DNASE2B: variants seen among roughly 807,000 people sequenced by gnomAD.
DNASE2B encodes the protein deoxyribonuclease-2-beta.
In DNASE2B, 43 loss-of-function variants were observed where a neutral mutation model predicts 46.0. The observed-to-expected ratio is 0.94, with a 90% CI of 0.73 to 1.21. The LOEUF is 1.21. DNASE2B is among the 50% of genes most tolerant of loss of function. The probability of loss-of-function intolerance (pLI) is 0.00; values close to 1 mark genes in which losing one functional copy is unlikely to be tolerated. For missense variants in DNASE2B, 395 were observed against 414.4 expected (o/e 0.95, Z 0.41); for synonymous variants, 156 against 152.5 (o/e 1.02, Z -0.17).
At chr1:84,399,575 G>T (rs1435334940) in intron 1 of DNASE2B, among the ~76,000 whole-genome samples, 1 of 152,208 alleles carries the variant, frequency 6.6e-6, no homozygotes, top group Non-Finnish European at 1.5e-5. Flanking sequence ...TAAGTTTTAA[G>T]AACAATTAAG....
intron 3 of DNASE2B, 23 bp from the exon 4 acceptor site, chr1:84,410,815 T>C (rs762423594): frequency 1.3e-5 from 20 of 1,597,478 alleles, no homozygotes; most frequent in Non-Finnish European, 1.7e-5. Context: ...CTGATTTATC[T>C]TTGTTAAATG....
intron 5 of DNASE2B, among the ~76,000 whole-genome samples, chr1:84,412,885 C>T (rs1455319411): frequency 6.6e-6 from 1 of 151,996 alleles, no homozygotes; most frequent in Non-Finnish European, 1.5e-5. Context: ...TGCACCCTCA[C>T]TCATGGCTTC....
At chr1:84,401,674 C>T (rs190204720) in intron 1 of DNASE2B, among the ~76,000 whole-genome samples, 30 of 152,274 alleles carry the variant, frequency 2.0e-4, no homozygotes, top group Admixed American at 8.5e-4. Flanking sequence ...ACTCCACCCA[C>T]CAGTATAACC....
At position 84,412,479 on chromosome 1, in the gene DNASE2B, C is replaced by T. The variant is rs1680617430; in HGVS notation, c.678C>T (p.Leu226=). 6.2e-7 allele frequency: 1 copy of T among 1,614,028 alleles called. No individual in the cohort carries two copies. The change falls in exon 5 of 6, where the codon CTC becomes CTT. Residue 226 remains leucine, a synonymous_variant. Coordinates refer to ENST00000370665, the MANE Select transcript of DNASE2B (RefSeq NM_021233.3). ...CATCAGAGATTCCTGGCAGGCTCCTCACCACACTTCAGTCGGCCCAGGGAC... is the reference window on the plus strand; with the variant it reads ...CATCAGAGATTCCTGGCAGGCTCCTTACCACACTTCAGTCGGCCCAGGGAC... ...ASSSEIPGRL[L]TTLQSAQGQK... is the part of the protein sequence containing the mutation.
Position 84,414,529 on chromosome 1 carries a change from C to G in DNASE2B, c.747C>G (p.Asp249Glu). 1.2e-6 allele frequency: 2 copies of G among 1,602,748 alleles called. No homozygotes were observed. The highest frequency in any genetic ancestry group is 1.7e-4 in the Middle Eastern group (1 of 5,986). ...HFAKSDSFLD[D>E]IFAAWMAQRL... is the part of the protein sequence containing the mutation. ...TATCTTTCTCCTCCTAAACCCTAGA[C>G]ATCTTTGCAGCCTGGATGGCTCAAC... Residue 249 changes from aspartate to glutamate, a missense_variant and splice_region_variant, in exon 6 of 6, where the codon GAC becomes GAG. Physicochemically the swap from Asp to Glu is conservative, Grantham distance 45 (BLOSUM62 2). Transcript: ENST00000370665.
chr1:84,409,500 T>C (rs2101851787), intron 3 of DNASE2B, among the ~76,000 whole-genome samples: 1 of 152,318 alleles, frequency 6.6e-6, no homozygotes, highest in Non-Finnish European at 1.5e-5. Flanking sequence ...CGCAATAAAA[T>C]GTATCCACAG....
intron 4 of DNASE2B, 132 bp from the exon 5 acceptor site, chr1:84,412,217 T>C: frequency 3.8e-6 from 3 of 787,018 alleles, no homozygotes; most frequent in South Asian, 3.4e-5. Context: ...TTGAAGGCTA[T>C]TGGTTTAAAG....
intron 3 of DNASE2B, 28 bp downstream of exon 3, chr1:84,408,546 TC>T (rs1387188068): frequency 3.8e-6 from 6 of 1,592,510 alleles, no homozygotes; most frequent in Non-Finnish European, 5.1e-6. Context: ...GGTTTCTCTT[TC>T]CTACTGGAAA....
rs1408123282 is a variant in DNASE2B at position 84,414,509 on chromosome 1, T to C, written c.746-19T>C. On this transcript the variant is annotated intron_variant, in intron 5 of 5. Coordinates refer to ENST00000370665, the MANE Select transcript of DNASE2B (RefSeq NM_021233.3). ...AGTGTAAATACCAACCTCACTATCT[T>C]TCTCCTCCTAAACCCTAGACATCTT... The C allele has an allele frequency of 3.4e-5, 54 of 1,570,660 alleles. No homozygotes were observed. The highest frequency in any genetic ancestry group is 4.5e-5 in the Non-Finnish European group (52 of 1,160,622).
At chr1:84,409,652 C>A (rs1021315195) in intron 3 of DNASE2B, among the ~76,000 whole-genome samples, 7 of 152,154 alleles carry the variant, frequency 4.6e-5, no homozygotes, top group Non-Finnish European at 1.0e-4. Context: ...GGGAACCCAA[C>A]AATTTTCATA....
intron 1 of DNASE2B, 146 bp from the exon 2 acceptor site, chr1:84,401,755 A>C (rs957002417): frequency 1.0e-5 from 6 of 576,894 alleles, no homozygotes; most frequent in South Asian, 2.8e-5. Flanking sequence ...AGAGTGAAGA[A>C]AGAGGCAAAG....
At chr1:84,404,381 C>T (rs1680468229) in intron 2 of DNASE2B, among the ~76,000 whole-genome samples, 1 of 152,186 alleles carries the variant, frequency 6.6e-6, no homozygotes, top group Non-Finnish European at 1.5e-5. Flanking sequence ...AACATCTGAA[C>T]ACAGATTTTT....
intron 4 of DNASE2B, among the ~76,000 whole-genome samples, chr1:84,412,090 G>A (rs1680608194): frequency 6.6e-6 from 1 of 152,170 alleles, no homozygotes; most frequent in Non-Finnish European, 1.5e-5. Flanking sequence ...AACAGAATTT[G>A]CCTGATAACA....
chr1:84,400,499 G>T (rs1680386128), intron 1 of DNASE2B, among the ~76,000 whole-genome samples: 1 of 152,188 alleles, frequency 6.6e-6, no homozygotes. Flanking sequence ...TTATAAATTT[G>T]GTTTCAAAAA....
intron 2 of DNASE2B, among the ~76,000 whole-genome samples, chr1:84,407,963 CAGTGA>C (rs1211659580): frequency 2.6e-5 from 4 of 152,132 alleles, no homozygotes; most frequent in African/African-American, 9.7e-5. Context: ...TACTACCCAG[CAGTGA>C]AGTGAAGCAC....
chr1:84,400,636 T>C (rs1324505198), intron 1 of DNASE2B, among the ~76,000 whole-genome samples: 1 of 152,132 alleles, frequency 6.6e-6, no homozygotes, highest in East Asian at 1.9e-4. Context: ...CCAGGAAAAA[T>C]GTTTAAAAGT....
At chr1:84,414,474 G>A in intron 5 of DNASE2B, 54 bp from the exon 6 acceptor site, 1 of 1,446,706 alleles carries the variant, frequency 6.9e-7, no homozygotes, top group South Asian at 1.4e-5. Flanking sequence ...TATTTTCAGG[G>A]ACTAATCTAA....
intron 1 of DNASE2B, among the ~76,000 whole-genome samples, chr1:84,401,683 C>A (rs1386902322): frequency 1.3e-5 from 2 of 152,162 alleles, no homozygotes; most frequent in African/African-American, 4.8e-5. Context: ...ACCAGTATAA[C>A]CAAGGTCTTA....
At chr1:84,401,801 T>C (rs1000114087) in intron 1 of DNASE2B, 100 bp from the exon 2 acceptor site, 2 of 947,238 alleles carry the variant, frequency 2.1e-6, no homozygotes, top group Non-Finnish European at 3.0e-6. Context: ...AGGCCTTCCA[T>C]GAAACAGAAA....
Sources: allele counts gnomAD v4.1 joint callset (sites outside exome capture counted in the v4.1 genomes callset), GRCh38; gene constraint gnomAD v4.1.1; transcripts MANE v1.5; gene names NCBI Gene and HGNC (gene_info 2026-07-23, HGNC 2026-07-21).